RBFOX1: variants seen among roughly 807,000 people sequenced by gnomAD.
The protein encoded by RBFOX1 is RNA binding fox-1 homolog 1.
RBFOX1 carries 8 observed loss-of-function variants against 57.7 expected under a neutral mutation model. The ratio of observed to expected loss-of-function variants is 0.14; its 90% confidence interval spans 0.08 to 0.25. RBFOX1 has a LOEUF of 0.25. RBFOX1 is among the 10% of genes least tolerant of loss of function. The probability of loss-of-function intolerance (pLI) is 1.00; values close to 1 mark genes in which losing one functional copy is unlikely to be tolerated. For synonymous variants in RBFOX1, 326 were observed against 222.4 expected (o/e 1.47, Z -4.15); for missense variants, 611 against 548.5 (o/e 1.11, Z -1.14).
chr16:6,249,461 T>C lies in RBFOX1; in HGVS notation c.-126-67534T>C, dbSNP rs141238238. ...ATAGCTTGAACCCGGGAGGCAGAGA[T>C]TGTAGTGAGCCAAGATCGTGCCACT... is the stretch of plus-strand genomic sequence containing the variant. On this transcript the variant is annotated intron_variant, in intron 1 of 15. Transcript: ENST00000550418. Among the ~76,000 whole-genome samples, 1,220 of 151,942 alleles carry C rather than the reference T, an allele frequency of 8.0e-3. 17 individuals carry two copies. The highest frequency in any genetic ancestry group is 0.028 in the African/African-American group (1,143 of 41,386).
In RBFOX1 at chr16:6,678,908, A is replaced by G. The variant is rs76213748; in HGVS notation, c.-16+24258A>G. On this transcript the variant is annotated intron_variant, in intron 3 of 15. Transcript: ENST00000550418. ...GTAGCATGAATTCCACCCTTCTTAC[A>G]TGAAGCCATTTGGGGTGGCACATGG... 2.9e-3 allele frequency among the ~76,000 whole-genome samples: 446 copies of G among 152,242 alleles called. 10 individuals are homozygous for G. The East Asian group carries it at 0.047, about 16-fold the overall frequency.
chr16:5,273,209 C>T (rs1191376741), intron 1 of RBFOX1, among the ~76,000 whole-genome samples: 1 of 151,822 alleles, frequency 6.6e-6, no homozygotes, highest in Non-Finnish European at 1.5e-5. Flanking sequence ...GAGCTCAAAG[C>T]CACGATTGCT....
Position 7,313,494 on chromosome 16 carries a change from T to C in RBFOX1, c.28-204653T>C, listed in dbSNP as rs548555825. 1.3e-3 allele frequency among the ~76,000 whole-genome samples: 192 copies of C among 149,912 alleles called. 1 individual carries two copies. Among genetic ancestry groups the C allele is most frequent in the African/African-American group, 4.6e-3 (187 of 40,876 alleles). ...TCTTGTCTTTTTTTTTTTAAGGCTC[T>C]TTGGTTCCGTTCAAAAAATGAGGCT... On this transcript the variant is annotated intron_variant, in intron 4 of 15. Coordinates refer to ENST00000550418, the MANE Select transcript of RBFOX1 (RefSeq NM_018723.4).
chr16:6,776,412 G>GA (rs1159095974), intron 3 of RBFOX1, among the ~76,000 whole-genome samples: 1 of 137,820 alleles, frequency 7.3e-6, no homozygotes, highest in East Asian at 2.2e-4. Flanking sequence ...CTCCACCTCG[G>GA]AAAAAAACAA....
At chr16:5,616,322 C>T (rs1385094787) in intron 3 of RBFOX1, 1 of 152,338 alleles carries the variant, frequency 6.6e-6, no homozygotes, top group Non-Finnish European at 1.5e-5. Flanking sequence ...GGAGCTGTCA[C>T]TCCGGACACC....
intron 3 of RBFOX1, among the ~76,000 whole-genome samples, chr16:6,763,654 T>A (rs536066386): frequency 1.1e-4 from 17 of 152,326 alleles, no homozygotes; most frequent in African/African-American, 4.1e-4. Flanking sequence ...CTGTTCTACC[T>A]CCCAGCAAAG....
intron 1 of RBFOX1, among the ~76,000 whole-genome samples, chr16:6,095,676 C>G (rs933031450): frequency 1.3e-5 from 2 of 151,248 alleles, no homozygotes; most frequent in Non-Finnish European, 2.9e-5. Context: ...ATTAGTTCTT[C>G]TTCCATTCTC....
chr16:6,143,961 A>C (rs927611646), intron 1 of RBFOX1, among the ~76,000 whole-genome samples: 3 of 145,932 alleles, frequency 2.1e-5, no homozygotes, highest in Admixed American at 2.0e-4. Flanking sequence ...ATACTCAGCT[A>C]TATATATATA....
intron 4 of RBFOX1, among the ~76,000 whole-genome samples, chr16:7,390,941 A>G (rs1473153710): frequency 6.6e-6 from 1 of 152,072 alleles, no homozygotes; most frequent in Non-Finnish European, 1.5e-5. Flanking sequence ...GATTTTTTTT[A>G]CTGCCTGTTT....
intron 2 of RBFOX1, among the ~76,000 whole-genome samples, chr16:6,617,040 C>T (rs534660606): frequency 9.9e-5 from 15 of 152,030 alleles, no homozygotes; most frequent in Non-Finnish European, 1.9e-4. Flanking sequence ...TTGTTGATTA[C>T]CGGTATACAG....
intron 2 of RBFOX1, among the ~76,000 whole-genome samples, chr16:6,497,876 G>A (rs892326562): frequency 2.6e-5 from 4 of 151,974 alleles, no homozygotes; most frequent in African/African-American, 9.7e-5. Flanking sequence ...ATTCACAAGT[G>A]TGAGAAAGTG....
intron 2 of RBFOX1, among the ~76,000 whole-genome samples, chr16:6,385,491 C>T (rs1425956147): frequency 6.6e-6 from 1 of 152,144 alleles, no homozygotes; most frequent in Non-Finnish European, 1.5e-5. Context: ...TCCCCAGTAG[C>T]TGGGATTACA....
intron 1 of RBFOX1, among the ~76,000 whole-genome samples, chr16:6,111,201 C>A (rs1000299436): frequency 6.6e-6 from 1 of 152,184 alleles, no homozygotes; most frequent in Admixed American, 6.5e-5. Context: ...ACGCCACATA[C>A]ACTGACTTGC....
chr16:5,943,433 A>G (rs761170988), intron 4 of RBFOX1, among the ~76,000 whole-genome samples: 2 of 152,208 alleles, frequency 1.3e-5, no homozygotes, highest in African/African-American at 2.4e-5. Context: ...AACAGCAGGA[A>G]ACATTTCTGG....
At chr16:6,629,132 A>G (rs1394781492) in intron 2 of RBFOX1, among the ~76,000 whole-genome samples, 1 of 152,256 alleles carries the variant, frequency 6.6e-6, no homozygotes, top group Non-Finnish European at 1.5e-5. Flanking sequence ...ACCTGGTTAC[A>G]TATATGTGTG....
At chr16:5,978,746 G>C (rs34743942) in intron 4 of RBFOX1, among the ~76,000 whole-genome samples, 18,186 of 151,048 alleles carry the variant, frequency 0.12, 1,118 homozygotes, top group South Asian at 0.15. Flanking sequence ...CCGGCGTCCT[G>C]TACATCCAGT....
chr16:6,748,580 G>A (rs893805011), intron 3 of RBFOX1, among the ~76,000 whole-genome samples: 2 of 152,250 alleles, frequency 1.3e-5, no homozygotes. Flanking sequence ...GATCTCTTGA[G>A]CCCAGAAGTT....
intron 3 of RBFOX1, among the ~76,000 whole-genome samples, chr16:6,940,972 G>T (rs2078335794): frequency 6.6e-6 from 1 of 151,874 alleles, no homozygotes; most frequent in African/African-American, 2.4e-5. Flanking sequence ...CTCTCAAAGT[G>T]CTGGGATTAC....
At chr16:7,111,500 G>A (rs2064766241) in intron 4 of RBFOX1, among the ~76,000 whole-genome samples, 1 of 152,162 alleles carries the variant, frequency 6.6e-6, no homozygotes, top group Admixed American at 6.5e-5. Flanking sequence ...GTGGAATACA[G>A]TTCTGCTGTT....
Sources: gnomAD v4.1 joint callset for allele counts (sites outside exome capture counted in the v4.1 genomes callset) on GRCh38, gnomAD v4.1.1 for gene constraint, MANE v1.5 for transcripts, NCBI Gene and HGNC (gene_info 2026-07-23, HGNC 2026-07-21) for gene names.